The following PCSK2 variants were observed in gnomAD, a reference collection of about 807,000 sequenced individuals.
PCSK2 encodes the protein proprotein convertase subtilisin/kexin type 2, also known as neuroendocrine convertase 2.
In PCSK2, 14 loss-of-function variants were observed where a neutral mutation model predicts 69.7. That is an observed-to-expected ratio of 0.20 (90% CI 0.13 to 0.31). The LOEUF is 0.31. Ranked by LOEUF, PCSK2 falls within the 10% of genes least tolerant of loss-of-function variation. The pLI, the probability that PCSK2 is intolerant of heterozygous loss-of-function variation, is 1.00. For synonymous variants in PCSK2, 307 were observed against 320.7 expected, an observed-to-expected ratio of 0.96 and a Z score of 0.46; for missense variants, 544 against 842.5, an observed-to-expected ratio of 0.65 and a Z score of 4.39.
At chr20:17,405,176 C>G (rs939181731) in intron 5 of PCSK2, among the ~76,000 whole-genome samples, 1 of 152,192 alleles carries the variant, frequency 6.6e-6, no homozygotes, top group Non-Finnish European at 1.5e-5. Context: ...GAGGAAACTA[C>G]AGTTTCTAAA....
chr20:17,451,593 C>A (rs2123378132), intron 8 of PCSK2, among the ~76,000 whole-genome samples: 1 of 152,246 alleles, frequency 6.6e-6, no homozygotes. Flanking sequence ...GAATCACTTT[C>A]CCCCACATTC....
At chr20:17,414,230 A>C (rs549341936) in intron 6 of PCSK2, among the ~76,000 whole-genome samples, 1 of 152,208 alleles carries the variant, frequency 6.6e-6, no homozygotes, top group Non-Finnish European at 1.5e-5. Context: ...TTCAAAAAAA[A>C]TCGATGAATC....
Position 17,481,605 on chromosome 20 carries a change from G to A in PCSK2, c.1452G>A (p.Lys484=). 1 of 1,613,916 alleles carries A rather than the reference G, an allele frequency of 6.2e-7. No homozygotes were observed. The highest frequency in any genetic ancestry group is 8.5e-7 in the Non-Finnish European group (1 of 1,179,942). Residue 484 remains lysine, a synonymous_variant, in exon 12 of 12, where the codon AAG becomes AAA. Transcript: ENST00000262545. ...TCAGGAAAATACCATCCACTGGCAAGTTGGTGCTGACACTCACAACCGACG... is the reference window on the plus strand; with the variant it reads ...TCAGGAAAATACCATCCACTGGCAAATTGGTGCTGACACTCACAACCGACG... The part of the protein sequence containing the change: ...QDPEKIPSTG[K]LVLTLTTDAC...
rs148244798 is a variant in PCSK2, at chr20:17,474,592, C to T, written c.1431-6992C>T. 6.1e-3 allele frequency among the ~76,000 whole-genome samples: 925 copies of T among 152,256 alleles called. 18 individuals carry two copies. Among genetic ancestry groups the T allele is most frequent in the African/African-American group, 0.021 (887 of 41,538 alleles). ...TCAGCCTCGCTGTCATTTTCCCTCC[C>T]TTAGTCTTAGTCGCTAAGGCCTTCC... On this transcript the variant is annotated intron_variant, in intron 11 of 11. Transcript: ENST00000262545.
chr20:17,412,549 G>A (rs951678697), intron 6 of PCSK2, among the ~76,000 whole-genome samples: 88 of 152,180 alleles, frequency 5.8e-4, no homozygotes, highest in African/African-American at 3.4e-4. Flanking sequence ...TCAAATCTAC[G>A]TTTGATTAGT....
chr20:17,255,745 T>C (rs1203710861), intron 1 of PCSK2, among the ~76,000 whole-genome samples: 1 of 152,230 alleles, frequency 6.6e-6, no homozygotes, highest in African/African-American at 2.4e-5. Flanking sequence ...ATTTATTCTA[T>C]TGATATATTT....
intron 4 of PCSK2, among the ~76,000 whole-genome samples, chr20:17,363,862 AT>A (rs1377171015): frequency 6.6e-6 from 1 of 152,244 alleles, no homozygotes; most frequent in Non-Finnish European, 1.5e-5. Flanking sequence ...TATAATCGCC[AT>A]TTTACAGATG....
chr20:17,360,486 C>A, intron 3 of PCSK2, 46 bp from the exon 4 acceptor site: 1 of 1,209,702 alleles, frequency 8.3e-7, no homozygotes, highest in Non-Finnish European at 1.2e-6. Flanking sequence ...GGGTGCTTTA[C>A]AACACCAAAC....
intron 5 of PCSK2, among the ~76,000 whole-genome samples, chr20:17,381,805 C>T (rs1004077377): frequency 2.6e-5 from 4 of 152,152 alleles, no homozygotes; most frequent in African/African-American, 9.7e-5. Flanking sequence ...CACACATATT[C>T]TTTCTCTATC....
intron 2 of PCSK2, among the ~76,000 whole-genome samples, chr20:17,312,683 T>C (rs1214624125): frequency 6.6e-6 from 1 of 152,070 alleles, no homozygotes; most frequent in Admixed American, 6.5e-5. Context: ...TTTGTTATTC[T>C]GATAACATTC....
At chr20:17,324,123 A>T (rs868343884) in intron 2 of PCSK2, among the ~76,000 whole-genome samples, 1 of 152,238 alleles carries the variant, frequency 6.6e-6, no homozygotes, top group Admixed American at 6.5e-5. Flanking sequence ...TGTGGACAGT[A>T]GTAACAAGCC....
intron 7 of PCSK2, among the ~76,000 whole-genome samples, chr20:17,434,190 GCT>G (rs112361220): frequency 4.2e-5 from 6 of 141,512 alleles, no homozygotes; most frequent in Non-Finnish European, 7.7e-5. Context: ...CTCTATCTAC[GCT>G]CTCTCTCTCT....
At chr20:17,237,225 C>T (rs1986376922) in intron 1 of PCSK2, among the ~76,000 whole-genome samples, 2 of 152,052 alleles carry the variant, frequency 1.3e-5, no homozygotes, top group South Asian at 4.1e-4. Flanking sequence ...AAGCTCAAGG[C>T]TCCAAAAATT....
chr20:17,249,187 A>G (rs1044469484), intron 1 of PCSK2, among the ~76,000 whole-genome samples: 2 of 152,162 alleles, frequency 1.3e-5, no homozygotes, highest in African/African-American at 4.8e-5. Flanking sequence ...TTTAACTTGC[A>G]TCTTGGAAAT....
intron 2 of PCSK2, among the ~76,000 whole-genome samples, chr20:17,296,450 C>G (rs1988896646): frequency 6.6e-6 from 1 of 152,194 alleles, no homozygotes; most frequent in Admixed American, 6.5e-5. Context: ...CACTGCCAAA[C>G]CACTCGCGCC....
intron 2 of PCSK2, among the ~76,000 whole-genome samples, chr20:17,292,644 T>C (rs891129331): frequency 5.3e-5 from 8 of 152,188 alleles, no homozygotes; most frequent in African/African-American, 1.9e-4. Flanking sequence ...ACCTTTACAA[T>C]GTTGGGTCAT....
intron 5 of PCSK2, among the ~76,000 whole-genome samples, chr20:17,381,957 T>C (rs2031097421): frequency 6.6e-6 from 1 of 152,140 alleles, no homozygotes; most frequent in African/African-American, 2.4e-5. Context: ...CAACAAAAAA[T>C]ATATTATCTG....
chr20:17,450,052 C>T (rs1307540596), intron 8 of PCSK2, among the ~76,000 whole-genome samples: 3 of 67,654 alleles, frequency 4.4e-5, no homozygotes, highest in African/African-American at 5.0e-5. Flanking sequence ...TTTTTTGTGA[C>T]GGAGTCTCAC....
chr20:17,482,285 A>C lies in PCSK2; in HGVS notation c.*215A>C. On this transcript the variant is annotated 3_prime_UTR_variant, in exon 12 of 12. Coordinates refer to ENST00000262545, the MANE Select transcript of PCSK2 (RefSeq NM_002594.5). ...AAATATAGCGTTCCCAACAACATCC[A>C]TGTCCTATGTGTGACTCTAAATTCT... The C allele has an allele frequency of 3.5e-6, 1 of 287,138 alleles. No individual in the cohort carries two copies. Among genetic ancestry groups the C allele is most frequent in the Non-Finnish European group, 6.4e-6 (1 of 155,496 alleles). 17.8% of individuals were successfully genotyped at this position (287,138 alleles called of 1,614,324 possible). A position where few individuals can be genotyped will look rare whatever the true frequency, so the allele number is the denominator to read the frequency against.
Sources: allele counts gnomAD v4.1 joint callset (sites outside exome capture counted in the v4.1 genomes callset), GRCh38; gene constraint gnomAD v4.1.1; transcripts MANE v1.5; gene names NCBI Gene and HGNC (gene_info 2026-07-23, HGNC 2026-07-21).